TIMM44: variants seen among roughly 807,000 people sequenced by gnomAD.
TIMM44 encodes translocase of inner mitochondrial membrane 44.
In TIMM44, 37 loss-of-function variants were observed where a neutral mutation model predicts 63.8. The ratio of observed to expected loss-of-function variants is 0.58; its 90% CI spans 0.45 to 0.76. TIMM44 has a LOEUF of 0.76. Ranked by LOEUF, TIMM44 falls within the 30% of genes least tolerant of loss-of-function variation. The probability of loss-of-function intolerance (pLI) is 0.00; values close to 1 mark genes in which losing one functional copy is unlikely to be tolerated. For missense variants in TIMM44, 573 were observed against 603.8 expected, an observed-to-expected ratio of 0.95 and a Z score of 0.54; for synonymous variants, 239 against 245.1, an observed-to-expected ratio of 0.98 and a Z score of 0.23.
At chr19:7,942,050 T>C (rs1425822765) in intron 1 of TIMM44, among the ~76,000 whole-genome samples, 1 of 152,164 alleles carries the variant, frequency 6.6e-6, no homozygotes, top group Non-Finnish European at 1.5e-5. Context: ...GCTGATCTCA[T>C]GTAAAAGGCA....
chr19:7,939,205 G>A (rs1054624021), intron 2 of TIMM44, among the ~76,000 whole-genome samples: 2 of 152,166 alleles, frequency 1.3e-5, no homozygotes, highest in Non-Finnish European at 2.9e-5. Context: ...AATGCAGGAC[G>A]TGAAGAATAG....
chr19:7,931,245 C>G (rs959597222), intron 9 of TIMM44, 57 bp from the exon 10 acceptor site: 4 of 1,522,884 alleles, frequency 2.6e-6, no homozygotes, highest in Non-Finnish European at 3.6e-6. Flanking sequence ...AGGCAGCAGG[C>G]GAGGTCCTGG....
intron 10 of TIMM44, 85 bp downstream of exon 10, chr19:7,931,053 C>G: frequency 7.4e-7 from 1 of 1,344,480 alleles, no homozygotes; most frequent in Non-Finnish European, 1.0e-6. Context: ...GGGAGCTACC[C>G]CAACGGAGCC....
chr19:7,931,409 C>T (rs533470668), intron 9 of TIMM44: 22 of 569,054 alleles, frequency 3.9e-5, no homozygotes, highest in Admixed American at 9.1e-5. Context: ...AGGCGGAGGG[C>T]GGCCTGCGGG....
chr19:7,941,303 T>G, intron 1 of TIMM44, 106 bp from the exon 2 acceptor site: 4 of 521,380 alleles, frequency 7.7e-6, no homozygotes, highest in Non-Finnish European at 1.3e-5. Context: ...CACTGGCCAT[T>G]TTTTTTTTTT....
At chr19:7,936,494 GAAACC>G (rs1212223477) in intron 3 of TIMM44, among the ~76,000 whole-genome samples, 1 of 152,130 alleles carries the variant, frequency 6.6e-6, no homozygotes, top group Non-Finnish European at 1.5e-5. Context: ...AAACACAAAT[GAAACC>G]AAACCAAACC....
rs1448497033 is a variant in TIMM44, at chr19:7,932,687, G to T, written c.927C>A (p.Ala309=). The T allele has an allele frequency of 1.2e-6, 2 of 1,614,044 alleles. No individual in the cohort carries two copies. The highest frequency in any genetic ancestry group is 1.7e-6 in the Non-Finnish European group (2 of 1,180,018). The part of the protein sequence containing the change: ...VLTEILRVDP[A]FDKDRFLKQC... ...GTTTCAGAAACCGGTCCTTGTCAAAGGCCGGGTCCACCCGGAGGATCTCCG... is the reference window on the plus strand; with the variant it reads ...GTTTCAGAAACCGGTCCTTGTCAAATGCCGGGTCCACCCGGAGGATCTCCG... The change falls in exon 9 of 13, where the codon GCC becomes GCA. Residue 309 remains alanine (A), a synonymous_variant. Coordinates refer to ENST00000270538, the MANE Select transcript of TIMM44 (RefSeq NM_006351.4).
At chr19:7,935,202 G>A (rs769834237) in intron 3 of TIMM44, 57 bp from the exon 4 acceptor site, 28 of 1,431,684 alleles carry the variant, frequency 2.0e-5, no homozygotes, top group Middle Eastern at 2.1e-4. Flanking sequence ...CAATGTCTCC[G>A]TTGCCGAGGC....
rs1345765950 is a variant in TIMM44 at position 7,934,971 on chromosome 19, C to T, written c.393+94G>A. 1 of 1,218,388 alleles carries T rather than the reference C, an allele frequency of 8.2e-7. No homozygotes were observed. Among genetic ancestry groups the T allele is most frequent in the South Asian group, 1.3e-5 (1 of 77,748 alleles). The allele number at this position is 1,218,388 out of a possible 1,614,324, so 75.5% of individuals were successfully genotyped here. A position where few individuals can be genotyped will look rare whatever the true frequency, so the allele number is the denominator to read the frequency against. Reference sequence around the variant, plus strand: ...CCCCATGCCACCCACTGCTGCCAAGCCACCCCCACCCAGGAGCCGACTCTT... The same window carrying T: ...CCCCATGCCACCCACTGCTGCCAAGTCACCCCCACCCAGGAGCCGACTCTT... On this transcript the variant is annotated intron_variant, in intron 4 of 12. Coordinates refer to ENST00000270538, the MANE Select transcript of TIMM44 (RefSeq NM_006351.4). This position sits in a 1 kb window ranked among gnomAD's most constrained non-coding sequence, Gnocchi z 5.3.
At position 7,928,105 on chromosome 19, in the gene TIMM44, G is replaced by A. The variant is rs1432538123; in HGVS notation, c.1100C>T (p.Ser367Phe). ...QAKALGLQFH[S>F]RILDIDNVDL... is the part of the protein sequence containing the mutation. ...GACGTTGTCAATGTCTAGGATGCGA[G>A]AATGGAACTGGAGACCCAGTGCCTT... The change falls in exon 11 of 13, where the codon TCT becomes TTT. Residue 367 changes from serine to phenylalanine, a missense_variant. Physicochemically the swap from Ser to Phe is radical, Grantham distance 155. Coordinates refer to ENST00000270538, the MANE Select transcript of TIMM44 (RefSeq NM_006351.4). The A allele has an allele frequency of 6.2e-7, 1 of 1,614,102 alleles. No homozygotes were observed. Among genetic ancestry groups the A allele is most frequent in the Non-Finnish European group, 8.5e-7 (1 of 1,179,980 alleles).
At chr19:7,935,208 G>A (rs1409876007) in intron 3 of TIMM44, 63 bp from the exon 4 acceptor site, 19 of 1,410,674 alleles carry the variant, frequency 1.3e-5, no homozygotes, top group East Asian at 9.8e-5. Context: ...CTCCGTTGCC[G>A]AGGCTGGAGT....
Position 7,926,886 on chromosome 19 carries a change from G to A in TIMM44, c.*301C>T, listed in dbSNP as rs542093986. 4 of 419,724 alleles carry A rather than the reference G, an allele frequency of 9.5e-6. No homozygotes were observed. Among genetic ancestry groups the A allele is most frequent in the African/African-American group, 6.1e-5 (3 of 49,516 alleles). 26.0% of individuals were successfully genotyped at this position (419,724 alleles called of 1,614,324 possible). A position where few individuals can be genotyped will look rare whatever the true frequency, so the allele number is the denominator to read the frequency against. On this transcript the variant is annotated 3_prime_UTR_variant, in exon 13 of 13. Transcript: ENST00000270538. Reference sequence around the variant, plus strand: ...CCACCCTGCTGTGGGGGGAGTCCCTGGGCCCTGGGGCCTCTTGGCACTGTG... The same window carrying A: ...CCACCCTGCTGTGGGGGGAGTCCCTAGGCCCTGGGGCCTCTTGGCACTGTG...
rs1984094428 is a variant in TIMM44, at chr19:7,934,728, G to A, written c.393+337C>T. ...AACCGAGGAGAGCCGCAGCACCCCAGGAATCCTGCCTCCCGCCTCTACCCT... is the reference window on the plus strand; with the variant it reads ...AACCGAGGAGAGCCGCAGCACCCCAAGAATCCTGCCTCCCGCCTCTACCCT... On this transcript the variant is annotated intron_variant, in intron 4 of 12. Coordinates refer to ENST00000270538, the MANE Select transcript of TIMM44 (RefSeq NM_006351.4). This position sits in a 1 kb window ranked among gnomAD's most constrained non-coding sequence, Gnocchi z 5.3. 6.6e-6 allele frequency among the ~76,000 whole-genome samples: 1 copy of A among 152,194 alleles called. No homozygotes were observed. Among genetic ancestry groups the A allele is most frequent in the South Asian group, 2.1e-4 (1 of 4,834 alleles).
At chr19:7,935,032 C>T in intron 4 of TIMM44, 33 bp downstream of exon 4, 1 of 1,594,952 alleles carries the variant, frequency 6.3e-7, no homozygotes, top group South Asian at 1.1e-5. Flanking sequence ...CTTTGATGGC[C>T]CCAGCGGCTC....
chr19:7,929,694 C>G (rs561676339), intron 10 of TIMM44, among the ~76,000 whole-genome samples: 1 of 150,976 alleles, frequency 6.6e-6, no homozygotes, highest in Admixed American at 6.6e-5. Flanking sequence ...TCCCAGCCCC[C>G]CCCCAGTCAT....
chr19:7,934,517 C>T lies in TIMM44; in HGVS notation c.394-279G>A, dbSNP rs574658939. Among the ~76,000 whole-genome samples the T allele has an allele frequency of 4.6e-5, 7 of 152,164 alleles. No homozygotes were observed. Among genetic ancestry groups the T allele is most frequent in the Non-Finnish European group, 8.8e-5 (6 of 68,030 alleles). On this transcript the variant is annotated intron_variant, in intron 4 of 12. Coordinates refer to ENST00000270538, the MANE Select transcript of TIMM44 (RefSeq NM_006351.4). This position sits in a 1 kb window ranked among gnomAD's most constrained non-coding sequence, Gnocchi z 5.3. ...CCCCAGAGCCATGAGCACACCGCCA[C>T]GGCTTCCGGGATGCTGGCCCTGGGC...
At chr19:7,939,338 G>A (rs1368238920) in intron 2 of TIMM44, among the ~76,000 whole-genome samples, 2 of 152,158 alleles carry the variant, frequency 1.3e-5, no homozygotes, top group African/African-American at 4.8e-5. Context: ...AAGGCCGGGC[G>A]CAGTGGCTCC....
In TIMM44 at chr19:7,932,450, C is replaced by T. The variant is rs960485797; in HGVS notation, c.987+177G>A. The T allele has an allele frequency of 4.6e-5, 38 of 825,448 alleles. No homozygotes were observed. In the African/African-American group the frequency reaches 4.8e-4, roughly 10 times the overall value. 51.1% of individuals were successfully genotyped at this position (825,448 alleles called of 1,614,324 possible). A position where few individuals can be genotyped will look rare whatever the true frequency, so the allele number is the denominator to read the frequency against. ...TGCCGGTAAGGCCCAGGAAGGGCTT[C>T]GGGCACAGCTCATGGGGCAGCTGCA... On this transcript the variant is annotated intron_variant, in intron 9 of 12. Coordinates refer to ENST00000270538, the MANE Select transcript of TIMM44 (RefSeq NM_006351.4).
chr19:7,938,308 T>C, intron 2 of TIMM44, 111 bp from the exon 3 acceptor site: 1 of 787,064 alleles, frequency 1.3e-6, no homozygotes. Context: ...TCGGTTGATA[T>C]ACATTTAATG....
Sources: gnomAD v4.1 joint callset for allele counts (sites outside exome capture counted in the v4.1 genomes callset) on GRCh38, gnomAD v4.1.1 for gene constraint, Gnocchi (gnomAD v3.1) non-coding constraint, MANE v1.5 for transcripts, NCBI Gene and HGNC (gene_info 2026-07-23, HGNC 2026-07-21) for gene names.